RBFOX3: variants seen among roughly 807,000 people sequenced by gnomAD.
RBFOX3 encodes RNA binding protein fox-1 homolog 3.
Under a neutral mutation model 48.7 loss-of-function variants are expected in RBFOX3, and 17 were observed. That is an observed-to-expected ratio of 0.35 (90% CI 0.24 to 0.52). The LOEUF (loss-of-function observed/expected upper bound fraction) is 0.52. Among genes scored for constraint, RBFOX3 ranks in the 20% least tolerant of loss-of-function variants. The pLI, the probability that RBFOX3 is intolerant of heterozygous loss-of-function variation, is 0.94. For synonymous variants in RBFOX3, 212 were observed against 209.5 expected, an observed-to-expected ratio of 1.01 and a Z score of -0.10; for missense variants, 382 against 497.5, an observed-to-expected ratio of 0.77 and a Z score of 2.21.
At chr17:79,549,208 TG>T (rs1472512324) in intron 1 of RBFOX3, among the ~76,000 whole-genome samples, 1 of 152,252 alleles carries the variant, frequency 6.6e-6, no homozygotes, top group Non-Finnish European at 1.5e-5. Context: ...TGAGTCTCTC[TG>T]GGCTCTGCCA....
intron 4 of RBFOX3, among the ~76,000 whole-genome samples, chr17:79,140,321 C>T (rs1293442268): frequency 1.3e-5 from 2 of 152,276 alleles, no homozygotes; most frequent in African/African-American, 4.8e-5. Context: ...TCTCTCCACT[C>T]TGAGCCCCAT....
At chr17:79,337,814 A>G (rs2081424895) in intron 2 of RBFOX3, among the ~76,000 whole-genome samples, 1 of 152,264 alleles carries the variant, frequency 6.6e-6, no homozygotes, top group Middle Eastern at 3.4e-3. Context: ...TGAGTTTACT[A>G]TATATATGTC....
chr17:79,208,020 C>T (rs1260208976), intron 4 of RBFOX3, among the ~76,000 whole-genome samples: 1 of 152,198 alleles, frequency 6.6e-6, no homozygotes, highest in Non-Finnish European at 1.5e-5. Flanking sequence ...GGTGGCCCTT[C>T]TCTGGCCAGC....
At chr17:79,238,786 CG>C (rs2061954386) in intron 3 of RBFOX3, among the ~76,000 whole-genome samples, 1 of 152,152 alleles carries the variant, frequency 6.6e-6, no homozygotes, top group Non-Finnish European at 1.5e-5. Context: ...TGTGTGAACC[CG>C]GGGTTGCAGT....
At chr17:79,127,066 C>T (rs1014992872) in intron 4 of RBFOX3, among the ~76,000 whole-genome samples, 14 of 152,216 alleles carry the variant, frequency 9.2e-5, no homozygotes, top group Admixed American at 2.6e-4. Context: ...CTCCTCAGCA[C>T]GACTCCAACG....
the RBFOX3 span, among the ~76,000 whole-genome samples, chr17:79,658,227 A>C: frequency 3.3e-5 from 5 of 152,024 alleles, no homozygotes; most frequent in Non-Finnish European, 7.4e-5. Context: ...CCATTTCCTA[A>C]TTTAACCAAG....
At chr17:79,506,018 T>C (rs1303122361) in intron 1 of RBFOX3, among the ~76,000 whole-genome samples, 1 of 152,174 alleles carries the variant, frequency 6.6e-6, no homozygotes, top group Non-Finnish European at 1.5e-5. Context: ...CTTCCCTTAC[T>C]CCCATATGCA....
intron 9 of RBFOX3, among the ~76,000 whole-genome samples, chr17:79,101,054 G>A (rs1017528109): frequency 1.3e-5 from 2 of 152,114 alleles, no homozygotes; most frequent in Admixed American, 6.5e-5. Flanking sequence ...GCTTAAAGGT[G>A]TCATTTGTCA....
chr17:79,383,685 T>C (rs1008210966), intron 2 of RBFOX3, among the ~76,000 whole-genome samples: 13 of 152,034 alleles, frequency 8.6e-5, no homozygotes, highest in African/African-American at 3.1e-4. Flanking sequence ...CTAGAACATG[T>C]GGTGGGAATC....
intron 3 of RBFOX3, among the ~76,000 whole-genome samples, chr17:79,302,675 A>T (rs1378422139): frequency 1.3e-5 from 2 of 152,156 alleles, no homozygotes. Context: ...AAGAAAAAAA[A>T]TAGATGGTGA....
rs117573446 is a variant in RBFOX3 at position 79,338,304 on chromosome 17, C to T, written c.-174-30480G>A. Among the ~76,000 whole-genome samples, 104 of 152,228 alleles carry T rather than the reference C, an allele frequency of 6.8e-4. 1 individual carries two copies. Among genetic ancestry groups the T allele is most frequent in the Admixed American group, 1.0e-3 (16 of 15,294 alleles). On this transcript the variant is annotated intron_variant, in intron 2 of 14. Transcript: ENST00000693108. ...TTCTTTTTGATCCTTCCAATTGTCA[C>T]CTGCAATGGTGGGAACACAGACTGG...
At chr17:79,124,313 CCACCA>C (rs1489259635) in intron 4 of RBFOX3, among the ~76,000 whole-genome samples, 2 of 152,240 alleles carry the variant, frequency 1.3e-5, no homozygotes, top group African/African-American at 4.8e-5. Flanking sequence ...AGCAAGGTGA[CCACCA>C]TGGCTGCCCC....
At chr17:79,556,330 A>G (rs1425738230) in intron 1 of RBFOX3, among the ~76,000 whole-genome samples, 2 of 150,314 alleles carry the variant, frequency 1.3e-5, no homozygotes, top group East Asian at 4.5e-4. Flanking sequence ...ACGTCAGGAC[A>G]TAAGGCAAAA....
At chr17:79,143,260 C>T (rs6501285) in intron 4 of RBFOX3, among the ~76,000 whole-genome samples, 73,747 of 151,754 alleles carry the variant, frequency 0.49, 19,226 homozygotes, top group Non-Finnish European at 0.59. Flanking sequence ...CCGTTCTCTG[C>T]CCACCCTGCC....
chr17:79,637,847 A>G, the RBFOX3 span, among the ~76,000 whole-genome samples: 4 of 151,650 alleles, frequency 2.6e-5, no homozygotes, highest in African/African-American at 9.7e-5. Flanking sequence ...AAGGGAAAGG[A>G]AAGGAATTTT....
At chr17:79,246,690 G>A (rs1375294304) in intron 3 of RBFOX3, among the ~76,000 whole-genome samples, 1 of 152,182 alleles carries the variant, frequency 6.6e-6, no homozygotes, top group African/African-American at 2.4e-5. Context: ...GAGATCTCAA[G>A]ACCCATCCGA....
chr17:79,278,141 C>T (rs2069361191), intron 3 of RBFOX3, among the ~76,000 whole-genome samples: 1 of 152,168 alleles, frequency 6.6e-6, no homozygotes, highest in African/African-American at 2.4e-5. Flanking sequence ...GGCTGGGAGG[C>T]TGGCCCGTGG....
chr17:79,126,330 G>A (rs1044521029), intron 4 of RBFOX3, among the ~76,000 whole-genome samples: 5 of 152,212 alleles, frequency 3.3e-5, no homozygotes, highest in African/African-American at 4.8e-5. Context: ...CACCAAGAGC[G>A]TGTGGTGCCC....
At chr17:79,579,055 C>T (rs1239024949) in intron 1 of RBFOX3, among the ~76,000 whole-genome samples, 2 of 152,220 alleles carry the variant, frequency 1.3e-5, no homozygotes, top group African/African-American at 2.4e-5. Flanking sequence ...GCGTCTCCGT[C>T]GCGTTCCCTC....
Sources: gnomAD v4.1 joint callset for allele counts (sites outside exome capture counted in the v4.1 genomes callset) on GRCh38, gnomAD v4.1.1 for gene constraint, MANE v1.5 for transcripts, NCBI Gene and HGNC (gene_info 2026-07-23, HGNC 2026-07-21) for gene names.